The following LOC128092253 variants were observed in gnomAD, a reference collection of about 807,000 sequenced individuals.
chr6:133,969,403 TAC>T, the LOC128092253 span, among the ~76,000 whole-genome samples: 1 of 152,186 alleles, frequency 6.6e-6, no homozygotes, highest in Non-Finnish European at 1.5e-5. Flanking sequence ...ACATGAATGC[TAC>T]CTGCTTAACA....
At chr6:133,977,159 A>G in the LOC128092253 span, among the ~76,000 whole-genome samples, 1 of 152,132 alleles carries the variant, frequency 6.6e-6, no homozygotes, top group Non-Finnish European at 1.5e-5. Flanking sequence ...TCATGCTTCG[A>G]AAAATGTGAT....
chr6:133,969,518 TG>T, the LOC128092253 span, among the ~76,000 whole-genome samples: 1 of 152,196 alleles, frequency 6.6e-6, no homozygotes, highest in African/African-American at 2.4e-5. Flanking sequence ...TGATGCTTTT[TG>T]TACATCAAAT....
the LOC128092253 span, among the ~76,000 whole-genome samples, chr6:133,966,709 T>G: frequency 6.6e-6 from 1 of 152,180 alleles, no homozygotes; most frequent in Non-Finnish European, 1.5e-5. Flanking sequence ...GCCACAAACC[T>G]GCAGTCATTC....
At chr6:133,954,996 G>C in the LOC128092253 span, among the ~76,000 whole-genome samples, 1 of 152,208 alleles carries the variant, frequency 6.6e-6, no homozygotes, top group Non-Finnish European at 1.5e-5. Context: ...AAGTGGACAG[G>C]ATGCAAAGTG....
At chr6:133,962,479 C>T in the LOC128092253 span, among the ~76,000 whole-genome samples, 13 of 152,212 alleles carry the variant, frequency 8.5e-5, no homozygotes, top group Non-Finnish European at 1.3e-4. Context: ...TCTGAAATTT[C>T]TGGTTGAAGT....
chr6:133,963,881 A>G, the LOC128092253 span, among the ~76,000 whole-genome samples: 1 of 151,624 alleles, frequency 6.6e-6, no homozygotes, highest in Non-Finnish European at 1.5e-5. Flanking sequence ...ATACAAAAAA[A>G]AAAAAAAAAA....
At chr6:133,967,959 T>G in the LOC128092253 span, among the ~76,000 whole-genome samples, 2 of 152,062 alleles carry the variant, frequency 1.3e-5, no homozygotes, top group Non-Finnish European at 2.9e-5. Flanking sequence ...TGTGCTTATA[T>G]GAGCACAGGA....
chr6:133,956,269 T>C, the LOC128092253 span, among the ~76,000 whole-genome samples: 2 of 152,240 alleles, frequency 1.3e-5, no homozygotes, highest in African/African-American at 4.8e-5. Context: ...AGCTGTATTG[T>C]GACATTCGAA....
the LOC128092253 span, among the ~76,000 whole-genome samples, chr6:133,961,491 C>T: frequency 2.0e-4 from 25 of 123,188 alleles, no homozygotes; most frequent in South Asian, 1.0e-3. Flanking sequence ...TTTTTTGAGA[C>T]GGAGTCGTGC....
chr6:133,970,161 A>T, the LOC128092253 span, among the ~76,000 whole-genome samples: 1 of 151,896 alleles, frequency 6.6e-6, no homozygotes, highest in Non-Finnish European at 1.5e-5. Context: ...ACCTCAATTG[A>T]CTCTGTCAAT....
the LOC128092253 span, among the ~76,000 whole-genome samples, chr6:133,963,800 G>A: frequency 2.6e-5 from 4 of 151,880 alleles, no homozygotes; most frequent in Non-Finnish European, 4.4e-5. Flanking sequence ...GGAGGCTGAG[G>A]CGGGCGGATC....
At chr6:133,959,094 C>T in the LOC128092253 span, among the ~76,000 whole-genome samples, 413 of 152,172 alleles carry the variant, frequency 2.7e-3, 1 homozygote, top group African/African-American at 9.4e-3. Flanking sequence ...GACTGGAGTG[C>T]GGTGGTGGCA....
the LOC128092253 span, among the ~76,000 whole-genome samples, chr6:133,966,558 C>T: frequency 1.3e-5 from 2 of 152,134 alleles, no homozygotes; most frequent in African/African-American, 4.8e-5. Context: ...TTAACTGCTC[C>T]GTATCTCCTC....
At chr6:133,967,104 C>T in the LOC128092253 span, among the ~76,000 whole-genome samples, 1 of 152,216 alleles carries the variant, frequency 6.6e-6, no homozygotes, top group Admixed American at 6.5e-5. Context: ...CATGCTGATT[C>T]TTCCTTCAGG....
At chr6:133,972,678 GTGTTTGTT>G in the LOC128092253 span, among the ~76,000 whole-genome samples, 77 of 151,018 alleles carry the variant, frequency 5.1e-4, 1 homozygote, top group Middle Eastern at 0.014. Context: ...TATGATCTTG[GTGTTTGTT>G]TGTTTGTTTG....
the LOC128092253 span, among the ~76,000 whole-genome samples, chr6:133,968,188 C>A: frequency 6.6e-6 from 1 of 151,976 alleles, no homozygotes; most frequent in Non-Finnish European, 1.5e-5. Flanking sequence ...GGGGTTTCAC[C>A]ATGTTAGCCA....
the LOC128092253 span, among the ~76,000 whole-genome samples, chr6:133,977,805 T>C: frequency 2.0e-5 from 3 of 152,210 alleles, no homozygotes; most frequent in Admixed American, 6.5e-5. Context: ...ATCTTGTTGT[T>C]CTACCATCCT....
At chr6:133,965,753 T>C in the LOC128092253 span, among the ~76,000 whole-genome samples, 1 of 152,236 alleles carries the variant, frequency 6.6e-6, no homozygotes, top group African/African-American at 2.4e-5. Flanking sequence ...GTTCCAAAGC[T>C]TGAGGACTAC....
the LOC128092253 span, among the ~76,000 whole-genome samples, chr6:133,963,609 A>G: frequency 3.9e-5 from 6 of 152,004 alleles, no homozygotes; most frequent in African/African-American, 1.4e-4. Flanking sequence ...TTTTGTCGAG[A>G]CAGAGTCTCA....
Sources: allele counts gnomAD v4.1 joint callset (sites outside exome capture counted in the v4.1 genomes callset), GRCh38; gene constraint gnomAD v4.1.1; transcripts MANE v1.5.